The following NOTCH2 variants were observed in gnomAD, a reference collection of about 807,000 sequenced individuals.
The protein encoded by NOTCH2 is neurogenic locus notch homolog protein 2.
NOTCH2 carries 29 observed loss-of-function variants against 235.8 expected under a neutral mutation model. The ratio of observed to expected loss-of-function variants is 0.12; its 90% confidence interval spans 0.09 to 0.17. The LOEUF (loss-of-function observed/expected upper bound fraction) is 0.17, where lower values mean the gene tolerates loss of function less well. Among genes scored for constraint, NOTCH2 ranks in the 10% least tolerant of loss-of-function variants. The probability of loss-of-function intolerance (pLI) is 1.00; values close to 1 mark genes in which losing one functional copy is unlikely to be tolerated. For missense variants in NOTCH2, 2,285 were observed against 3,150.2 expected, an observed-to-expected ratio of 0.73 and a Z score of 6.57; for synonymous variants, 1,086 against 1,141.5, an observed-to-expected ratio of 0.95 and a Z score of 0.98.
At chr1:119,928,443 C>T (rs1267345424) in intron 23 of NOTCH2, among the ~76,000 whole-genome samples, 1 of 152,142 alleles carries the variant, frequency 6.6e-6, no homozygotes, top group Non-Finnish European at 1.5e-5. Flanking sequence ...GCAGGAACTA[C>T]CCAGTAATTC....
chr1:120,014,909 C>T (rs1482318155), intron 2 of NOTCH2, among the ~76,000 whole-genome samples: 1 of 139,604 alleles, frequency 7.2e-6, no homozygotes, highest in Non-Finnish European at 1.5e-5. Flanking sequence ...TGTTCTCTCC[C>T]CTTGTTTTCT....
intron 25 of NOTCH2, 141 bp downstream of exon 25, chr1:119,925,164 T>C (rs1472038764): frequency 1.0e-6 from 1 of 989,694 alleles, no homozygotes; most frequent in Admixed American, 1.7e-5. Flanking sequence ...CACAGGGCAG[T>C]GTGCGATGGG....
Position 119,914,267 on chromosome 1 carries a change from GGAA to G in NOTCH2, c.*1036_*1038del, listed in dbSNP as rs1383729705. On this transcript the variant is annotated 3_prime_UTR_variant, in exon 34 of 34. Transcript: ENST00000256646. The stretch of plus-strand genomic sequence containing the variant: ...AATGTGTTCCATACAGGCAGTCAAT[GGAA>G]TGCTTGGCAGGAAGTAGGGGGACCT... 8.6e-6 allele frequency: 2 copies of G among 233,134 alleles called. No individual in the cohort carries two copies. The highest frequency in any genetic ancestry group is 1.1e-4 in the Admixed American group (2 of 17,782). 14.4% of individuals were successfully genotyped at this position (233,134 alleles called of 1,614,324 possible).
At chr1:119,933,666 C>A (rs1435515537) in intron 22 of NOTCH2, among the ~76,000 whole-genome samples, 1 of 152,058 alleles carries the variant, frequency 6.6e-6, no homozygotes, top group Non-Finnish European at 1.5e-5. Flanking sequence ...ATGATAATAT[C>A]AAAACTAGTA....
Position 119,915,996 on chromosome 1 carries a change from A to C in NOTCH2, c.6726T>G (p.Ser2242Arg). ...CTGGGACTGGGACTGGATGGAGCCT[A>C]CTCAAGCTTCCAGCACTGCCACTGC... Reference protein sequence around the residue: ...SPGSGSAGSLSRLHPVPVPAD... With the variant: ...SPGSGSAGSLRRLHPVPVPAD... The change falls in exon 34 of 34, where the codon AGT becomes AGG. Residue 2242 changes from serine (S) to arginine (R), a missense_variant. Around this residue, in one of 6 missense-constraint regions of NOTCH2, gnomAD observed 504 missense variants for 538.0 expected, o/e 0.94. Coordinates refer to ENST00000256646, the MANE Select transcript of NOTCH2 (RefSeq NM_024408.4). The C allele has an allele frequency of 6.2e-7, 1 of 1,613,816 alleles. No homozygotes were observed. The highest frequency in any genetic ancestry group is 1.1e-5 in the South Asian group (1 of 91,088).
intron 1 of NOTCH2, among the ~76,000 whole-genome samples, chr1:120,064,960 C>T (rs1446791744): frequency 2.0e-5 from 3 of 151,512 alleles, no homozygotes; most frequent in Non-Finnish European, 2.9e-5. Context: ...CTATTCTGGA[C>T]AAAATAACAG....
chr1:119,933,006 A>G (rs1248414443), intron 22 of NOTCH2, among the ~76,000 whole-genome samples: 1 of 152,200 alleles, frequency 6.6e-6, no homozygotes, highest in African/African-American at 2.4e-5. Flanking sequence ...CACCTTATAC[A>G]TAGAGTAAAT....
At chr1:119,925,865 G>A in intron 24 of NOTCH2, 55 bp from the exon 25 acceptor site, 2 of 1,599,658 alleles carry the variant, frequency 1.3e-6, no homozygotes, top group Admixed American at 3.4e-5. Flanking sequence ...CAGTCATATT[G>A]GAAGTTTGAG....
intron 6 of NOTCH2, among the ~76,000 whole-genome samples, 164 bp downstream of exon 6, chr1:119,969,347 T>C (rs1553200096): frequency 6.6e-6 from 1 of 152,236 alleles, no homozygotes; most frequent in East Asian, 1.9e-4. Flanking sequence ...AAGATTATCT[T>C]CATAGCACTT....
At chr1:119,922,171 A>T (rs1215490337) in intron 28 of NOTCH2, 65 bp downstream of exon 28, 16 of 1,510,398 alleles carry the variant, frequency 1.1e-5, no homozygotes, top group Non-Finnish European at 1.5e-5. Context: ...TGATTCAACA[A>T]GATATGCTTT....
intron 1 of NOTCH2, among the ~76,000 whole-genome samples, chr1:120,038,632 A>G (rs1654411508): frequency 8.0e-6 from 1 of 124,432 alleles, no homozygotes; most frequent in Admixed American, 7.1e-5. Context: ...TATTCAATAA[A>G]CTAAATATCT....
At chr1:119,924,954 G>A (rs1264580984) in intron 25 of NOTCH2, among the ~76,000 whole-genome samples, 3 of 152,224 alleles carry the variant, frequency 2.0e-5, no homozygotes, top group Non-Finnish European at 2.9e-5. Context: ...GGAAAGGAAT[G>A]GGGTGAAGAG....
chr1:119,988,825 G>GTA lies in NOTCH2; in HGVS notation c.752-1744_752-1743insTA, dbSNP rs1652118908. Among the ~76,000 whole-genome samples, 4 of 152,294 alleles carry GTA rather than the reference G, an allele frequency of 2.6e-5. No individual in the cohort carries two copies. The South Asian group carries it at 8.3e-4, about 32-fold the overall frequency. ...GTAAGACTAAATACAGTTGACTAGG[G>GTA]TGTCAGGGAGGTAGCGAAGCCCTTG... On this transcript the variant is annotated intron_variant, in intron 4 of 33. Coordinates refer to ENST00000256646, the MANE Select transcript of NOTCH2 (RefSeq NM_024408.4).
At chr1:119,922,168 A>T (rs1467913647) in intron 28 of NOTCH2, 68 bp downstream of exon 28, 16 of 1,502,048 alleles carry the variant, frequency 1.1e-5, no homozygotes, top group Non-Finnish European at 1.5e-5. Flanking sequence ...TCATGATTCA[A>T]CAAGATATGC....
intron 9 of NOTCH2, among the ~76,000 whole-genome samples, chr1:119,966,147 G>C (rs1415229421): frequency 6.6e-6 from 1 of 152,166 alleles, no homozygotes; most frequent in Non-Finnish European, 1.5e-5. Context: ...CAGACGAAGA[G>C]GTCATGGGCC....
intron 14 of NOTCH2, 138 bp downstream of exon 14, chr1:119,953,405 C>A: frequency 2.3e-6 from 2 of 882,636 alleles, no homozygotes; most frequent in Non-Finnish European, 3.8e-6. Context: ...TCCCCAAGTG[C>A]CTTACAAGTC....
intron 29 of NOTCH2, 53 bp from the exon 30 acceptor site, chr1:119,920,450 T>TA (rs1649244741): frequency 6.3e-7 from 1 of 1,597,800 alleles, no homozygotes; most frequent in African/African-American, 1.3e-5. Flanking sequence ...CAGAAACTGC[T>TA]AATCAGAAGG....
intron 2 of NOTCH2, among the ~76,000 whole-genome samples, chr1:120,011,082 A>G (rs1457737658): frequency 1.3e-5 from 2 of 152,218 alleles, no homozygotes; most frequent in Non-Finnish European, 2.9e-5. Flanking sequence ...GTAGAGATAG[A>G]AAGTAGATTA....
Position 119,920,336 on chromosome 1 carries a change from TG to T in NOTCH2, c.5371del (p.Gln1791SerfsTer29). ...GATGTCTGCAGCTTCAAGGTGCTGC[TG>T]TGTCCATGGCCGTCGATCAATGGGG... ...DDPIDRRPWT[Q>X]QHLEAADIRR... On this transcript the variant is annotated frameshift_variant, in exon 30 of 34. Transcript: ENST00000256646. LOFTEE classifies it high-confidence loss of function. The T allele has an allele frequency of 1.9e-6, 3 of 1,614,212 alleles. No homozygotes were observed. The highest frequency in any genetic ancestry group is 2.5e-6 in the Non-Finnish European group (3 of 1,180,028).
Sources: gnomAD v4.1 joint callset for allele counts (sites outside exome capture counted in the v4.1 genomes callset) on GRCh38, gnomAD v4.1.1 for gene constraint, gnomAD v4.1.1 regional missense constraint, MANE v1.5 for transcripts, NCBI Gene and HGNC (gene_info 2026-07-23, HGNC 2026-07-21) for gene names.